Variants in SHC2 observed in about 807,000 individuals in gnomAD.
SHC2 encodes the protein SHC adaptor protein 2.
In SHC2, 62 loss-of-function variants were observed where a neutral mutation model predicts 60.6. That is an observed-to-expected ratio of 1.02 (90% CI 0.83 to 1.26). The LOEUF (loss-of-function observed/expected upper bound fraction) is 1.26. Among genes scored for constraint, SHC2 ranks in the 50% most tolerant of loss-of-function variants. The probability of loss-of-function intolerance (pLI) is 0.00; values close to 1 mark genes in which losing one functional copy is unlikely to be tolerated. For synonymous variants in SHC2, 375 were observed against 372.4 expected (o/e 1.01, Z -0.08); for missense variants, 873 against 822.2 (o/e 1.06, Z -0.76).
chr19:430,134 TC>T (rs1444297884), intron 9 of SHC2, among the ~76,000 whole-genome samples: 2 of 111,972 alleles, frequency 1.8e-5, no homozygotes, highest in South Asian at 3.6e-4. Context: ...AGTACCTATA[TC>T]CCAACATGCA....
chr19:419,175 C>A, intron 11 of SHC2, 119 bp from the exon 12 acceptor site: 1 of 1,165,286 alleles, frequency 8.6e-7, no homozygotes, highest in Non-Finnish European at 1.2e-6. Flanking sequence ...GACGAGGGGC[C>A]GGACCAGGGA....
At chr19:442,940 TG>T in intron 1 of SHC2, among the ~76,000 whole-genome samples, 1 of 114,290 alleles carries the variant, frequency 8.7e-6, no homozygotes, top group Non-Finnish European at 1.8e-5. Flanking sequence ...GATGGATGGG[TG>T]GGTGAATGGA....
chr19:442,810 AGTGG>A (rs1974924241), intron 1 of SHC2, among the ~76,000 whole-genome samples: 1 of 14,526 alleles, frequency 6.9e-5, no homozygotes, highest in Non-Finnish European at 1.3e-4. Flanking sequence ...TGGGTGGATG[AGTGG>A]ATGGGTGGAT....
rs1240057179 is a variant in SHC2, at chr19:436,816, G to A, written c.721-133C>T. Reference sequence around the variant, plus strand: ...GGGGATGGAGACGTCTCCTGGACAGGCACCCACTGCAGCCGGGTCCTGGGT... The same window carrying A: ...GGGGATGGAGACGTCTCCTGGACAGACACCCACTGCAGCCGGGTCCTGGGT... On this transcript the variant is annotated intron_variant, in intron 4 of 12. Transcript: ENST00000264554. 8.1e-6 allele frequency: 7 copies of A among 861,994 alleles called. No homozygotes were observed. In the East Asian group the frequency reaches 1.3e-4, roughly 16 times the overall value. 53.4% of individuals were successfully genotyped at this position (861,994 alleles called of 1,614,324 possible). A position where few individuals can be genotyped will look rare whatever the true frequency, so the allele number is the denominator to read the frequency against.
rs1387410134 is a variant in SHC2 at position 425,479 on chromosome 19, G to A, written c.1175-248C>T. Among the ~76,000 whole-genome samples the A allele has an allele frequency of 6.6e-5, 10 of 152,194 alleles. No individual in the cohort carries two copies. The highest frequency in any genetic ancestry group is 2.4e-4 in the African/African-American group (10 of 41,450). ...AGTGGGGCAGCGTGCGGCTGGGGCT[G>A]TGGGCACCAGACGTCCACGCCCAGG... On this transcript the variant is annotated intron_variant, in intron 9 of 12. Transcript: ENST00000264554. This position sits in a 1 kb window ranked among gnomAD's most constrained non-coding sequence, Gnocchi z 4.1.
rs370799539 is a variant in SHC2 at position 436,424 on chromosome 19, G to C, written c.782C>G (p.Thr261Arg). The C allele has an allele frequency of 6.2e-7, 1 of 1,601,274 alleles. No individual in the cohort carries two copies. Among genetic ancestry groups the C allele is most frequent in the Admixed American group, 1.7e-5 (1 of 57,804 alleles). Residue 261 changes from threonine (T) to arginine (R), a missense_variant, in exon 6 of 13, where the codon ACG (threonine) becomes AGG (arginine). Transcript: ENST00000264554. ...SFASGGDTDM[T>R]DYVAYVAKDP... ...CTTGGCGACGTAGGCCACGTAATCC[G>C]TCATGTCCTGGGGGCGGGGAGGGGC...
At chr19:421,413 A>AAAAAG (rs1568280187) in intron 11 of SHC2, among the ~76,000 whole-genome samples, 2 of 141,676 alleles carry the variant, frequency 1.4e-5, no homozygotes, top group Admixed American at 7.0e-5. Context: ...AAAAAAAAAA[A>AAAAAG]AAAGAAAAGA....
At chr19:460,499 G>A (rs1225799882) in intron 1 of SHC2, 30 bp downstream of exon 1, 8 of 1,123,290 alleles carry the variant, frequency 7.1e-6, no homozygotes, top group Non-Finnish European at 8.8e-6. Flanking sequence ...CGCCGCGAAC[G>A]GGCTCCCGGG....
At chr19:451,397 C>G (rs1043930238) in intron 1 of SHC2, among the ~76,000 whole-genome samples, 1 of 152,006 alleles carries the variant, frequency 6.6e-6, no homozygotes, top group Non-Finnish European at 1.5e-5. Context: ...CGTATTTCAG[C>G]ATGTGGATGG....
rs552642959 is a variant in SHC2, at chr19:447,222, C to T, written c.469-6290G>A. ...ACGCCGGACAGGAAAGGCCACACAGCGTGTGATCCCATTTCTATGAAGTGG... is the reference window on the plus strand; with the variant it reads ...ACGCCGGACAGGAAAGGCCACACAGTGTGTGATCCCATTTCTATGAAGTGG... On this transcript the variant is annotated intron_variant, in intron 1 of 12. Coordinates refer to ENST00000264554, the MANE Select transcript of SHC2 (RefSeq NM_012435.3). Among the ~76,000 whole-genome samples, 7 of 145,742 alleles carry T rather than the reference C, an allele frequency of 4.8e-5. 1 individual carries two copies. The East Asian group carries it at 8.6e-4, about 18-fold the overall frequency.
At position 438,265 on chromosome 19, in the gene SHC2, C is replaced by G. The variant is rs1974767698; in HGVS notation, c.720+453G>C. Among the ~76,000 whole-genome samples the G allele has an allele frequency of 6.6e-6, 1 of 152,220 alleles. No individual in the cohort carries two copies. Among genetic ancestry groups the G allele is most frequent in the Non-Finnish European group, 1.5e-5 (1 of 68,036 alleles). ...AAGTGCTGGGGTTACAGGCGTGAGC[C>G]ACTGAGCCCGGCCTCACAGTGCTGG... On this transcript the variant is annotated intron_variant, in intron 4 of 12. Coordinates refer to ENST00000264554, the MANE Select transcript of SHC2 (RefSeq NM_012435.3). The surrounding 1 kb of genome is among the most constrained non-coding windows in gnomAD (Gnocchi z 5.0).
intron 1 of SHC2, 65 bp downstream of exon 1, chr19:460,464 G>A (rs1975515826): frequency 2.3e-6 from 2 of 856,528 alleles, no homozygotes; most frequent in Non-Finnish European, 3.0e-6. Flanking sequence ...GGGGGTCCCG[G>A]AGGAGAGGGT....
chr19:436,897 C>T (rs1274214954), intron 4 of SHC2, among the ~76,000 whole-genome samples: 3 of 152,054 alleles, frequency 2.0e-5, no homozygotes, highest in Non-Finnish European at 4.4e-5. Flanking sequence ...GGGACTAGGG[C>T]CCTAAGGGAT....
chr19:418,979 C>T lies in SHC2; in HGVS notation c.1698G>A (p.Val566=). 6.3e-7 allele frequency: 1 copy of T among 1,586,146 alleles called. No individual in the cohort carries two copies. ...DHHLQNGQPI[V]AAESELHLRG... ...GCAGGTGCAGCTCACTCTCGGCGGCCACGATGGGCTGCCCGTTCTGCAGGT... is the reference window on the plus strand; with the variant it reads ...GCAGGTGCAGCTCACTCTCGGCGGCTACGATGGGCTGCCCGTTCTGCAGGT... Residue 566 remains valine (V), a synonymous_variant, in exon 12 of 13, where the codon GTG becomes GTA. Transcript: ENST00000264554.
intron 8 of SHC2, among the ~76,000 whole-genome samples, chr19:434,496 A>T (rs141864462): frequency 2.7e-4 from 2 of 7,318 alleles, no homozygotes; most frequent in Admixed American, 1.5e-3. Context: ...GAGTGAGTGA[A>T]ATCATGAGTG....
At chr19:423,314 G>C (rs376831633) in intron 10 of SHC2, among the ~76,000 whole-genome samples, 1 of 7,482 alleles carries the variant, frequency 1.3e-4, no homozygotes, top group East Asian at 5.4e-3. Flanking sequence ...GGGTCCTCCC[G>C]CCCTGACCCT....
At position 460,677 on chromosome 19, in the gene SHC2, GAC is replaced by G. The variant is rs1322779573; in HGVS notation, c.318_319del (p.Ser107AlafsTer66). 2.7e-5 allele frequency: 28 copies of G among 1,054,606 alleles called. No homozygotes were observed. Among genetic ancestry groups the G allele is most frequent in the African/African-American group, 1.7e-4 (10 of 57,912 alleles). The allele number at this position is 1,054,606 out of a possible 1,614,324, so 65.3% of individuals were successfully genotyped here. A position where few individuals can be genotyped will look rare whatever the true frequency, so the allele number is the denominator to read the frequency against. On this transcript the variant is annotated frameshift_variant, in exon 1 of 13. Transcript: ENST00000264554. LOFTEE classifies it high-confidence loss of function. ...CCCCGCCGCCCCCCGCCCGCCCCGC[GAC>G]CCCCGCGACCCCGCGCCCCGACAGC...
intron 11 of SHC2, among the ~76,000 whole-genome samples, chr19:421,647 G>A (rs1974276451): frequency 6.6e-6 from 1 of 152,092 alleles, no homozygotes; most frequent in African/African-American, 2.4e-5. Flanking sequence ...ATCTTATGAT[G>A]GATGAAATCA....
Position 417,760 on chromosome 19 carries a change from G to C in SHC2, c.*6-438C>G, listed in dbSNP as rs1974185876. On this transcript the variant is annotated intron_variant, in intron 12 of 12. Coordinates refer to ENST00000264554, the MANE Select transcript of SHC2 (RefSeq NM_012435.3). The stretch of plus-strand genomic sequence containing the variant: ...CCACAGGCCGCAGGCAGTTTCAGGT[G>C]CTTTACAGGAGCCCCTGCCATACCC... 2.0e-5 allele frequency among the ~76,000 whole-genome samples: 3 copies of C among 152,142 alleles called. No homozygotes were observed. The South Asian group carries it at 6.2e-4, about 32-fold the overall frequency.
Sources: allele counts gnomAD v4.1 joint callset (sites outside exome capture counted in the v4.1 genomes callset), GRCh38; gene constraint gnomAD v4.1.1; non-coding constraint Gnocchi (gnomAD v3.1); transcripts MANE v1.5; gene names NCBI Gene and HGNC (gene_info 2026-07-23, HGNC 2026-07-21).